The following ZNF208 variants were observed in gnomAD, a reference collection of about 807,000 sequenced individuals.
The protein encoded by ZNF208 is zinc finger protein 208.
ZNF208 carries 10 observed loss-of-function variants against 12.1 expected under a neutral mutation model. That is an observed-to-expected ratio of 0.83 (90% CI 0.51 to 1.40). The LOEUF (loss-of-function observed/expected upper bound fraction) is 1.40, where lower values mean the gene tolerates loss of function less well. Ranked by LOEUF, ZNF208 falls within the 40% of genes most tolerant of loss-of-function variation. The pLI, the probability that ZNF208 is intolerant of heterozygous loss-of-function variation, is 0.00. For missense variants in ZNF208, 1,652 were observed against 1,485.0 expected, an observed-to-expected ratio of 1.11 and a Z score of -1.85; for synonymous variants, 497 against 488.4, an observed-to-expected ratio of 1.02 and a Z score of -0.23.
At chr19:22,009,577 C>T (rs1305156881) in intron 1 of ZNF208, 1 of 151,750 alleles carries the variant, frequency 6.6e-6, no homozygotes, top group African/African-American at 2.4e-5. Context: ...GGTGAAACCC[C>T]GTCCCTGTTA....
chr19:21,963,930 A>G (rs1391699044), downstream of ZNF208, among the ~76,000 whole-genome samples: 1 of 151,992 alleles, frequency 6.6e-6, no homozygotes, highest in Non-Finnish European at 1.5e-5. Flanking sequence ...CCTATTGCAC[A>G]GCAGGGTAAC....
At chr19:21,987,731 T>C (rs1970652411) in intron 2 of ZNF208, among the ~76,000 whole-genome samples, 1 of 152,222 alleles carries the variant, frequency 6.6e-6, no homozygotes, top group South Asian at 2.1e-4. Context: ...AAGTTTATTC[T>C]GCTTCAGCAC....
chr19:21,999,137 A>G (rs11085506), intron 1 of ZNF208, among the ~76,000 whole-genome samples: 89,072 of 151,764 alleles, frequency 0.59, 26,411 homozygotes, highest in East Asian at 0.69. Flanking sequence ...AATATCTACT[A>G]TAATGATTTA....
chr19:21,971,529 A>G lies in ZNF208; in HGVS notation c.3505T>C (p.Tyr1169His), dbSNP rs184412193. ...CCTTTGCCACATTCTTCACATTTGT[A>G]GGGTTTCTCTACAGTATGAATTTTC... is the stretch of plus-strand genomic sequence containing the variant. ...HKKIHTVEKP[Y>H]KCEECGKGFV... Residue 1169 changes from tyrosine (Y) to histidine (H), a missense_variant, in exon 4 of 4, where the codon TAC (tyrosine) becomes CAC (histidine). Transcript: ENST00000397126. 4.9e-4 allele frequency: 794 copies of G among 1,611,174 alleles called. 4 individuals carry two copies. The African/African-American group carries it at 9.6e-3, about 20-fold the overall frequency.
At position 21,969,210 on chromosome 19, in the gene ZNF208, C is replaced by T. The variant is rs1441644781; in HGVS notation, c.*1981G>A. On this transcript the variant is annotated 3_prime_UTR_variant, in exon 4 of 4. Transcript: ENST00000397126. ...ATGTTGGCAAGGCTGGTCTTGAACT[C>T]CTGACCTCAGGTGATCTGCCCACCT... 2.6e-5 allele frequency among the ~76,000 whole-genome samples: 4 copies of T among 151,968 alleles called. No individual in the cohort carries two copies. The highest frequency in any genetic ancestry group is 2.1e-4 in the South Asian group (1 of 4,816).
At chr19:22,003,753 C>T (rs1324011632) in intron 1 of ZNF208, among the ~76,000 whole-genome samples, 3 of 152,058 alleles carry the variant, frequency 2.0e-5, no homozygotes, top group Admixed American at 2.0e-4. Context: ...TGGGTATATA[C>T]CTAAAAATAT....
intron 4 of ZNF208, chr19:21,941,043 T>A: frequency 7.9e-6 from 2 of 253,844 alleles, no homozygotes; most frequent in Non-Finnish European, 1.5e-5. Context: ...ACTGGCGCCC[T>A]CCGGAAGTGA....
chr19:21,998,002 A>C (rs1970871055), intron 1 of ZNF208: 1 of 152,134 alleles, frequency 6.6e-6, no homozygotes, highest in East Asian at 1.9e-4. Flanking sequence ...AAGATTGATC[A>C]AGTCAGCCAG....
At chr19:21,947,242 C>T (rs1248903275) in intron 4 of ZNF208, among the ~76,000 whole-genome samples, 3 of 152,042 alleles carry the variant, frequency 2.0e-5, no homozygotes, top group Non-Finnish European at 4.4e-5. Flanking sequence ...AATATTTCAC[C>T]CTGAGTAAAT....
intron 1 of ZNF208, among the ~76,000 whole-genome samples, chr19:21,993,174 G>A (rs62112870): frequency 0.16 from 24,448 of 152,006 alleles, 2,136 homozygotes; most frequent in Middle Eastern, 0.2. Flanking sequence ...ATAAAAATAT[G>A]CTTTTCTTTA....
chr19:21,975,788 A>T (rs532371898), intron 3 of ZNF208, among the ~76,000 whole-genome samples: 18 of 137,624 alleles, frequency 1.3e-4, no homozygotes, highest in African/African-American at 4.7e-4. Context: ...AAAGATTTGC[A>T]GTCCAGAAGA....
At chr19:21,947,835 A>G (rs142774060) in intron 4 of ZNF208, among the ~76,000 whole-genome samples, 3,676 of 152,268 alleles carry the variant, frequency 0.024, 55 homozygotes, top group Middle Eastern at 0.037. Flanking sequence ...TCTTGCCTAA[A>G]TCCAACTACT....
At chr19:22,006,226 C>A (rs1236080881) in intron 1 of ZNF208, among the ~76,000 whole-genome samples, 1 of 152,128 alleles carries the variant, frequency 6.6e-6, no homozygotes, top group Non-Finnish European at 1.5e-5. Context: ...TTTCACCCTT[C>A]ATTTAAACAT....
In ZNF208 at chr19:21,971,420, G is replaced by A. The variant is rs373896262; in HGVS notation, c.3614C>T (p.Ala1205Val). The change falls in exon 4 of 4, where the codon GCC becomes GTC. Residue 1205 changes from alanine (A) to valine (V), a missense_variant. By Grantham distance (64) the Ala-to-Val change is moderately conservative. Transcript: ENST00000397126. ...TCTAAGGGTTGAGGGCCACTTATAGGCTTTGCCACATTCTTCACATTTGTA... is the reference window on the plus strand; with the variant it reads ...TCTAAGGGTTGAGGGCCACTTATAGACTTTGCCACATTCTTCACATTTGTA... ...KLYKCEECGK[A>V]YKWPSTLRYH... 6.2e-7 allele frequency: 1 copy of A among 1,609,230 alleles called. No individual in the cohort carries two copies. The highest frequency in any genetic ancestry group is 8.5e-7 in the Non-Finnish European group (1 of 1,179,254).
At chr19:21,980,717 A>G (rs1174300880) in intron 3 of ZNF208, among the ~76,000 whole-genome samples, 1 of 152,170 alleles carries the variant, frequency 6.6e-6, no homozygotes, top group Non-Finnish European at 1.5e-5. Context: ...AACTAAGAAA[A>G]GAGCAGAACT....
Position 21,968,131 on chromosome 19 carries a change from CTT to C in ZNF208, c.*3058_*3059del, listed in dbSNP as rs959538680. ...GAAGTCTTTTTCCAGGCTTAGAACT[CTT>C]TTGGTGAAACCTTTAAAGTATTCTA... On this transcript the variant is annotated 3_prime_UTR_variant, in exon 4 of 4. Coordinates refer to ENST00000397126, the MANE Select transcript of ZNF208 (RefSeq NM_007153.3). 4.6e-5 allele frequency: 7 copies of C among 151,990 alleles called. No homozygotes were observed. Among genetic ancestry groups the C allele is most frequent in the Admixed American group, 3.9e-4 (6 of 15,250 alleles). 9.4% of individuals were successfully genotyped at this position (151,990 alleles called of 1,614,324 possible).
intron 1 of ZNF208, among the ~76,000 whole-genome samples, chr19:22,003,741 A>AT (rs1203003891): frequency 6.6e-6 from 1 of 152,170 alleles, no homozygotes; most frequent in East Asian, 1.9e-4. Context: ...TAACCTCACA[A>AT]TTGGGTATAT....
At position 21,971,405 on chromosome 19, in the gene ZNF208, G is replaced by T. The variant is rs751168338; in HGVS notation, c.3629C>A (p.Ser1210Ter). The T allele has an allele frequency of 7.5e-6, 12 of 1,609,876 alleles. No homozygotes were observed. In the African/African-American group the frequency reaches 1.6e-4, roughly 22 times the overall value. ...EECGKAYKWP[S>*]TLRYHKKIHT... ...AATTTTCTTGTGATATCTAAGGGTT[G>T]AGGGCCACTTATAGGCTTTGCCACA... Residue 1210 changes from serine (S) to a stop codon, truncating the protein, a stop_gained, in exon 4 of 4, where the codon TCA (serine) becomes TAA (stop). Transcript: ENST00000397126. LOFTEE classifies it low-confidence loss of function (END_TRUNC).
chr19:22,008,661 T>G lies in ZNF208; in HGVS notation c.3+2131A>C, dbSNP rs181386025. Among the ~76,000 whole-genome samples the G allele has an allele frequency of 9.9e-5, 15 of 152,258 alleles. No homozygotes were observed. The East Asian group carries it at 1.9e-3, about 20-fold the overall frequency. On this transcript the variant is annotated intron_variant, in intron 1 of 3. Transcript: ENST00000397126. ...AATCCAGGGGCAAAAATTATTTTGG[T>G]TTCCCCTTCAATACCAGCATCTGAT...
Sources: gnomAD v4.1 joint callset for allele counts (sites outside exome capture counted in the v4.1 genomes callset) on GRCh38, gnomAD v4.1.1 for gene constraint, MANE v1.5 for transcripts, NCBI Gene and HGNC (gene_info 2026-07-23, HGNC 2026-07-21) for gene names.